SNX25: variants seen among roughly 807,000 people sequenced by gnomAD.
SNX25 encodes sorting nexin 25, also known as sorting nexin-25.
Under a neutral mutation model 113.7 loss-of-function variants are expected in SNX25, and 62 were observed. That is an observed-to-expected ratio of 0.55 (90% CI 0.44 to 0.67). The LOEUF (loss-of-function observed/expected upper bound fraction) is 0.67. Ranked by LOEUF, SNX25 falls within the 30% of genes least tolerant of loss-of-function variation. The pLI is 0.00. For synonymous variants in SNX25, 421 were observed against 436.2 expected (o/e 0.97, Z 0.43); for missense variants, 1,014 against 1,161.0 (o/e 0.87, Z 1.84).
intron 7 of SNX25, among the ~76,000 whole-genome samples, chr4:185,317,397 G>A (rs1456285365): frequency 6.6e-6 from 1 of 152,188 alleles, no homozygotes; most frequent in Non-Finnish European, 1.5e-5. Flanking sequence ...TTCAACCGTT[G>A]TGGAAGACAG....
intron 1 of SNX25, chr4:185,204,490 G>A (rs1472155920): frequency 6.6e-6 from 1 of 152,188 alleles, no homozygotes; most frequent in Non-Finnish European, 1.5e-5. Context: ...AACAATCTAA[G>A]GTAAAAATGA....
intron 1 of SNX25, among the ~76,000 whole-genome samples, chr4:185,222,827 C>G (rs1282647036): frequency 6.6e-6 from 1 of 152,176 alleles, no homozygotes; most frequent in Non-Finnish European, 1.5e-5. Flanking sequence ...TCTTGGCTCT[C>G]CCCTAATAAC....
intron 17 of SNX25, 29 bp from the exon 18 acceptor site, chr4:185,362,582 C>G (rs1411100776): frequency 1.3e-6 from 2 of 1,594,260 alleles, no homozygotes; most frequent in African/African-American, 2.7e-5. Flanking sequence ...TTATCAATAG[C>G]AGCATAGAAT....
rs563761280 is a variant in SNX25, at chr4:185,283,649, C to T, written c.1092-4363C>T. 2.6e-5 allele frequency among the ~76,000 whole-genome samples: 4 copies of T among 152,250 alleles called. No homozygotes were observed. The East Asian group carries it at 7.7e-4, about 29-fold the overall frequency. ...AGCAGAAAAATGGTTAGAGCATGAGCTTTAGAAGACAGGCAGCCCTAGATT... is the reference window on the plus strand; with the variant it reads ...AGCAGAAAAATGGTTAGAGCATGAGTTTTAGAAGACAGGCAGCCCTAGATT... On this transcript the variant is annotated intron_variant, in intron 5 of 18. Coordinates refer to ENST00000652585, the MANE Select transcript of SNX25 (RefSeq NM_001378034.2).
At chr4:185,241,371 G>C (rs368847464) in intron 1 of SNX25, among the ~76,000 whole-genome samples, 1 of 150,956 alleles carries the variant, frequency 6.6e-6, no homozygotes, top group African/African-American at 2.4e-5. Flanking sequence ...GCAGGCACTC[G>C]GCAGGCTGAG....
chr4:185,216,589 A>G (rs1336960992), intron 1 of SNX25, among the ~76,000 whole-genome samples: 2 of 137,424 alleles, frequency 1.5e-5, no homozygotes, highest in African/African-American at 5.6e-5. Context: ...GCACAATCTC[A>G]GCTCACTGTA....
chr4:185,265,762 G>GT (rs1747992247), intron 4 of SNX25, among the ~76,000 whole-genome samples: 1 of 151,686 alleles, frequency 6.6e-6, no homozygotes, highest in South Asian at 2.1e-4. Flanking sequence ...GTACATAATT[G>GT]TATGTGCTGT....
chr4:185,355,918 C>G (rs1007388863), intron 15 of SNX25, among the ~76,000 whole-genome samples: 2 of 152,238 alleles, frequency 1.3e-5, no homozygotes, highest in Non-Finnish European at 2.9e-5. Flanking sequence ...GTAGGCATGT[C>G]AGAGCCAGTA....
At chr4:185,265,814 G>A (rs1748000158) in intron 4 of SNX25, among the ~76,000 whole-genome samples, 14 of 151,820 alleles carry the variant, frequency 9.2e-5, no homozygotes, top group Admixed American at 9.2e-4. Flanking sequence ...CTTTACACTA[G>A]CTTGACCTCA....
chr4:185,345,662 A>G (rs112071670), intron 12 of SNX25, among the ~76,000 whole-genome samples: 5,245 of 152,000 alleles, frequency 0.035, 236 homozygotes, highest in African/African-American at 0.1. Context: ...ATGGTGGTGC[A>G]TGCTTGTAGT....
chr4:185,361,181 A>G lies in SNX25; in HGVS notation c.2652-743A>G, dbSNP rs377605041. ...AGTATCCTGCCCAGCATTCTCTGCCATAGCAACACTAAAAGACAGCTACGG... is the reference window on the plus strand; with the variant it reads ...AGTATCCTGCCCAGCATTCTCTGCCGTAGCAACACTAAAAGACAGCTACGG... On this transcript the variant is annotated intron_variant, in intron 16 of 18. Transcript: ENST00000652585. 7.9e-5 allele frequency among the ~76,000 whole-genome samples: 12 copies of G among 152,292 alleles called. No individual in the cohort carries two copies. The East Asian group carries it at 1.4e-3, about 17-fold the overall frequency.
At chr4:185,246,216 C>A (rs371682965) in intron 1 of SNX25, among the ~76,000 whole-genome samples, 1 of 152,092 alleles carries the variant, frequency 6.6e-6, no homozygotes, top group Admixed American at 6.5e-5. Context: ...ACCTGGGAGG[C>A]GGAGGTTGCA....
chr4:185,242,875 T>G (rs1487605421), intron 1 of SNX25, among the ~76,000 whole-genome samples: 1 of 152,208 alleles, frequency 6.6e-6, no homozygotes, highest in Non-Finnish European at 1.5e-5. Context: ...CCAGGAACCC[T>G]GGATGAAAAC....
At chr4:185,342,480 T>C (rs547514704) in intron 12 of SNX25, among the ~76,000 whole-genome samples, 5 of 151,764 alleles carry the variant, frequency 3.3e-5, no homozygotes, top group South Asian at 4.2e-4. Context: ...CTATCACATA[T>C]ACAAGGGAGG....
chr4:185,332,576 T>A lies in SNX25; in HGVS notation c.1750-19T>A. ...TTTCTATCATTATAAGATATGGTGG[T>A]ATGTGACTCTCCCCCTAGGGCCCAA... On this transcript the variant is annotated intron_variant, in intron 9 of 18. Coordinates refer to ENST00000652585, the MANE Select transcript of SNX25 (RefSeq NM_001378034.2). 1 of 1,595,232 alleles carries A rather than the reference T, an allele frequency of 6.3e-7. No individual in the cohort carries two copies. Among genetic ancestry groups the A allele is most frequent in the Non-Finnish European group, 8.5e-7 (1 of 1,170,244 alleles).
intron 1 of SNX25, among the ~76,000 whole-genome samples, chr4:185,222,435 C>T (rs1265372098): frequency 2.7e-5 from 4 of 147,936 alleles, no homozygotes; most frequent in Non-Finnish European, 4.5e-5. Context: ...ATTCAGCGCC[C>T]TATACCCCTC....
In SNX25 at chr4:185,361,945, C is replaced by T. The variant is rs771199568; in HGVS notation, c.2673C>T (p.Ser891=). 23 of 1,613,826 alleles carry T rather than the reference C, an allele frequency of 1.4e-5. No individual in the cohort carries two copies. The highest frequency in any genetic ancestry group is 1.7e-5 in the Non-Finnish European group (20 of 1,179,942). The change falls in exon 17 of 19, where the codon AGC becomes AGT. Residue 891 remains serine, a synonymous_variant. Transcript: ENST00000652585. ...TINKQIRDTV[S]WIFSEQMLVY... is the part of the protein sequence containing the mutation. ...AAAGACAAATCCGGGACACAGTCAG[C>T]TGGATTTTCAGTGAGCAAATGTTGG...
chr4:185,258,457 C>T (rs952367451), intron 2 of SNX25, among the ~76,000 whole-genome samples: 1 of 152,164 alleles, frequency 6.6e-6, no homozygotes, highest in Non-Finnish European at 1.5e-5. Flanking sequence ...GTTTGCAGGG[C>T]CCAGCTCCAG....
chr4:185,351,384 TA>T, intron 13 of SNX25, 60 bp from the exon 14 acceptor site: 1 of 1,556,322 alleles, frequency 6.4e-7, no homozygotes, highest in Non-Finnish European at 8.7e-7. Flanking sequence ...CCTTTACTTG[TA>T]GCTCCCAGCC....
Sources: gnomAD v4.1 joint callset for allele counts (sites outside exome capture counted in the v4.1 genomes callset) on GRCh38, gnomAD v4.1.1 for gene constraint, MANE v1.5 for transcripts, NCBI Gene and HGNC (gene_info 2026-07-23, HGNC 2026-07-21) for gene names.